DIAPH2: variants seen among roughly 807,000 people sequenced by gnomAD.
The protein encoded by DIAPH2 is diaphanous related formin 2.
A neutral mutation model predicts 92.7 loss-of-function variants in DIAPH2; 35 were observed. That is an observed-to-expected ratio of 0.38 (90% CI 0.29 to 0.50). The LOEUF is 0.50. Among genes scored for constraint, DIAPH2 ranks in the 20% least tolerant of loss-of-function variants. DIAPH2 has a pLI of 0.94. For missense variants in DIAPH2, 701 were observed against 819.5 expected (o/e 0.86, Z 1.77); for synonymous variants, 301 against 280.4 (o/e 1.07, Z -0.73).
At chrX:96,754,839 G>A (rs1376937642) in intron 3 of DIAPH2, among the ~76,000 whole-genome samples, 2 of 100,320 alleles carry the variant, frequency 2.0e-5, no homozygotes, top group Middle Eastern at 5.6e-3. Context: ...CAGGAGAATC[G>A]CTTGAACTTG....
chrX:96,893,634 A>G (rs1424591185), intron 5 of DIAPH2, among the ~76,000 whole-genome samples: 2 of 112,262 alleles, frequency 1.8e-5, no homozygotes, highest in Non-Finnish European at 3.8e-5. Context: ...TGATATTTCT[A>G]CAATGACCAG....
intron 4 of DIAPH2, among the ~76,000 whole-genome samples, chrX:96,804,260 A>G (rs1165596130): frequency 9.0e-6 from 1 of 111,477 alleles, no homozygotes; most frequent in Non-Finnish European, 1.9e-5. Context: ...TAATGGCCTT[A>G]TATTTTCAGA....
chrX:97,354,768 C>T (rs890823892), intron 24 of DIAPH2, among the ~76,000 whole-genome samples: 3 of 112,598 alleles, frequency 2.7e-5, no homozygotes, highest in South Asian at 3.6e-4. Flanking sequence ...CTGAATGGGC[C>T]GCAGTCACTT....
At chrX:97,038,336 T>C (rs2066425084) in intron 17 of DIAPH2, among the ~76,000 whole-genome samples, 1 of 111,486 alleles carries the variant, frequency 9.0e-6, no homozygotes, top group Non-Finnish European at 1.9e-5. Context: ...CAAGTGCAGG[T>C]ATCTTTTCGA....
chrX:97,318,425 C>A (rs2068858749), intron 23 of DIAPH2, among the ~76,000 whole-genome samples: 1 of 106,964 alleles, frequency 9.3e-6, no homozygotes, highest in Non-Finnish European at 1.9e-5. Context: ...GCGTGAGCCA[C>A]AACGCCCTGC....
intron 25 of DIAPH2, among the ~76,000 whole-genome samples, chrX:97,398,011 C>T (rs1378983755): frequency 8.9e-6 from 1 of 112,488 alleles, no homozygotes; most frequent in Non-Finnish European, 1.9e-5. Context: ...GGGGATTTCT[C>T]TCTTTCTATT....
At chrX:96,759,470 G>A (rs1009602058) in intron 4 of DIAPH2, among the ~76,000 whole-genome samples, 1 of 111,696 alleles carries the variant, frequency 9.0e-6, no homozygotes, top group Admixed American at 9.5e-5. Context: ...TGCCATGAGC[G>A]TCGTTTTCAA....
intron 17 of DIAPH2, among the ~76,000 whole-genome samples, chrX:97,022,425 T>G (rs1362970069): frequency 8.9e-6 from 1 of 112,018 alleles, no homozygotes; most frequent in Non-Finnish European, 1.9e-5. Context: ...GGTTAATTTT[T>G]GGGGAAGAAG....
At chrX:96,989,637 A>T (rs753004356) in intron 17 of DIAPH2, among the ~76,000 whole-genome samples, 11 of 111,984 alleles carry the variant, frequency 9.8e-5, no homozygotes, top group African/African-American at 3.6e-4. Context: ...TAATGTTTTC[A>T]CACAGTGTAT....
At chrX:96,934,518 A>T (rs1181122071) in intron 10 of DIAPH2, among the ~76,000 whole-genome samples, 3 of 111,453 alleles carry the variant, frequency 2.7e-5, no homozygotes, top group Non-Finnish European at 3.8e-5. Flanking sequence ...AATCCTTGAG[A>T]TCAACACTGT....
intron 15 of DIAPH2, among the ~76,000 whole-genome samples, chrX:96,951,039 T>C (rs2065771591): frequency 8.9e-6 from 1 of 111,956 alleles, no homozygotes. Flanking sequence ...TCTTAGAGAT[T>C]CATAATACTC....
chrX:97,375,665 A>C (rs2069493479), intron 24 of DIAPH2, among the ~76,000 whole-genome samples: 1 of 111,868 alleles, frequency 8.9e-6, no homozygotes, highest in Non-Finnish European at 1.9e-5. Flanking sequence ...TGGGACAGGG[A>C]AAGGAAACTG....
intron 4 of DIAPH2, among the ~76,000 whole-genome samples, chrX:96,817,100 G>T (rs1186159027): frequency 1.8e-5 from 2 of 111,702 alleles, no homozygotes; most frequent in Admixed American, 9.5e-5. Flanking sequence ...TGGGGAAGTG[G>T]GGATGGTTAA....
chrX:97,361,131 G>C (rs992828273), intron 24 of DIAPH2, among the ~76,000 whole-genome samples: 2 of 107,115 alleles, frequency 1.9e-5, no homozygotes, highest in African/African-American at 3.4e-5. Context: ...GCCTCAAGCA[G>C]TCTTCCTGCC....
intron 24 of DIAPH2, among the ~76,000 whole-genome samples, chrX:97,363,147 G>A (rs745684632): frequency 8.9e-6 from 1 of 111,974 alleles, no homozygotes; most frequent in Non-Finnish European, 1.9e-5. Context: ...GAATATGGAG[G>A]ATATACAAAT....
chrX:97,188,113 A>T (rs1191337467), intron 22 of DIAPH2, among the ~76,000 whole-genome samples: 1 of 112,199 alleles, frequency 8.9e-6, no homozygotes, highest in Non-Finnish European at 1.9e-5. Flanking sequence ...GATTGCAGAT[A>T]AAATCTTAGA....
At chrX:96,877,156 A>C (rs928900453) in intron 4 of DIAPH2, among the ~76,000 whole-genome samples, 1 of 110,974 alleles carries the variant, frequency 9.0e-6, no homozygotes, top group African/African-American at 3.3e-5. Flanking sequence ...TGGATAGGGC[A>C]CTTATTTTGT....
chrX:97,283,226 C>G (rs2068512898), intron 23 of DIAPH2, among the ~76,000 whole-genome samples: 1 of 111,767 alleles, frequency 8.9e-6, no homozygotes, highest in Non-Finnish European at 1.9e-5. Context: ...AATGATTACC[C>G]TTTGATTTTG....
At chrX:96,946,594 T>TG (rs1185019544) in intron 14 of DIAPH2, among the ~76,000 whole-genome samples, 1 of 112,093 alleles carries the variant, frequency 8.9e-6, no homozygotes, top group Non-Finnish European at 1.9e-5. Flanking sequence ...ATAAAATGTT[T>TG]GTGTGGAGCT....
Sources: allele counts gnomAD v4.1 joint callset (sites outside exome capture counted in the v4.1 genomes callset), GRCh38; gene constraint gnomAD v4.1.1; transcripts MANE v1.5; gene names NCBI Gene and HGNC (gene_info 2026-07-23, HGNC 2026-07-21).